The following RAPGEF5 variants were observed in gnomAD, a reference collection of about 807,000 sequenced individuals.
RAPGEF5 encodes the protein M-Ras-regulated GEF.
RAPGEF5 carries 65 observed loss-of-function variants against 125.2 expected under a neutral mutation model. That is an observed-to-expected ratio of 0.52 (90% CI 0.43 to 0.64). The LOEUF (loss-of-function observed/expected upper bound fraction) is 0.64. Ranked by LOEUF, RAPGEF5 falls within the 30% of genes least tolerant of loss-of-function variation. The pLI, the probability that RAPGEF5 is intolerant of heterozygous loss-of-function variation, is 0.00. For missense variants in RAPGEF5, 958 were observed against 1,048.1 expected, an observed-to-expected ratio of 0.91 and a Z score of 1.19; for synonymous variants, 391 against 385.9, an observed-to-expected ratio of 1.01 and a Z score of -0.16.
chr7:22,305,755 T>C (rs951964342), intron 5 of RAPGEF5, among the ~76,000 whole-genome samples: 5 of 152,202 alleles, frequency 3.3e-5, no homozygotes, highest in African/African-American at 1.2e-4. Context: ...ACTGTGTTCA[T>C]GAGTTCAGTT....
intron 22 of RAPGEF5, 22 bp downstream of exon 22, chr7:22,136,911 C>A: frequency 6.5e-7 from 1 of 1,539,174 alleles, no homozygotes; most frequent in South Asian, 1.2e-5. Context: ...AAGAATAAGT[C>A]CCCTTTGGCT....
chr7:22,287,114 C>T (rs1323813514), intron 6 of RAPGEF5, among the ~76,000 whole-genome samples: 1 of 152,176 alleles, frequency 6.6e-6, no homozygotes, highest in Non-Finnish European at 1.5e-5. Context: ...TCCATTACAG[C>T]CATGTCCTTT....
chr7:22,346,504 G>T (rs544502095), intron 1 of RAPGEF5, among the ~76,000 whole-genome samples: 1 of 152,242 alleles, frequency 6.6e-6, no homozygotes, highest in Non-Finnish European at 1.5e-5. Context: ...AGAGCAAGCA[G>T]AAGTGATAAG....
intron 7 of RAPGEF5, among the ~76,000 whole-genome samples, chr7:22,250,621 TCTTA>T (rs1302722656): frequency 5.9e-5 from 9 of 152,100 alleles, no homozygotes; most frequent in African/African-American, 2.2e-4. Context: ...CCTTGATAGC[TCTTA>T]CTTGTCAATA....
intron 11 of RAPGEF5, among the ~76,000 whole-genome samples, chr7:22,175,470 T>G (rs1461736837): frequency 6.6e-6 from 1 of 152,238 alleles, no homozygotes; most frequent in Non-Finnish European, 1.5e-5. Flanking sequence ...GAAAAATTTC[T>G]CAATAATCAA....
intron 1 of RAPGEF5, among the ~76,000 whole-genome samples, chr7:22,346,843 T>C (rs905255585): frequency 6.6e-6 from 1 of 152,034 alleles, no homozygotes; most frequent in Non-Finnish European, 1.5e-5. Context: ...CAGTACAAAA[T>C]GAAAAGGATT....
chr7:22,206,634 G>C (rs1287194366), intron 9 of RAPGEF5, among the ~76,000 whole-genome samples: 1 of 148,496 alleles, frequency 6.7e-6, no homozygotes, highest in Non-Finnish European at 1.5e-5. Flanking sequence ...GCAGTGAGTT[G>C]TGATTTTTCC....
intron 7 of RAPGEF5, among the ~76,000 whole-genome samples, chr7:22,261,791 G>C (rs1782162189): frequency 6.6e-6 from 1 of 151,992 alleles, no homozygotes; most frequent in African/African-American, 2.4e-5. Context: ...TTTGACAAAG[G>C]TGCAAAAGGA....
At chr7:22,186,246 A>G (rs1372531623) in intron 11 of RAPGEF5, among the ~76,000 whole-genome samples, 1 of 152,228 alleles carries the variant, frequency 6.6e-6, no homozygotes, top group Non-Finnish European at 1.5e-5. Flanking sequence ...TGCAGATTCT[A>G]TGGGTTCTAA....
intron 6 of RAPGEF5, among the ~76,000 whole-genome samples, chr7:22,281,490 G>C (rs1782672670): frequency 6.6e-6 from 1 of 152,166 alleles, no homozygotes; most frequent in Non-Finnish European, 1.5e-5. Context: ...GGGATTACAA[G>C]TGTGATCCAC....
intron 7 of RAPGEF5, among the ~76,000 whole-genome samples, chr7:22,254,470 T>C (rs1011259938): frequency 2.7e-5 from 4 of 150,522 alleles, no homozygotes; most frequent in African/African-American, 9.8e-5. Flanking sequence ...TAGCCAGGTG[T>C]GGTGACACAT....
chr7:22,140,037 CG>C lies in RAPGEF5; in HGVS notation c.2264del (p.Ser755CysfsTer21). On this transcript the variant is annotated frameshift_variant, in exon 21 of 26. Transcript: ENST00000665637. LOFTEE classifies it high-confidence loss of function. ...CTCCAAGGCTCACCTCCCAGGTCTG[CG>C]ACAGTCGACTGACAGAAGCAGTGTT... ...GLNTASVSRL[S>X]QTWEKIPGKF... is the part of the protein sequence containing the mutation. 6.4e-7 allele frequency: 1 copy of C among 1,565,508 alleles called. No individual in the cohort carries two copies. Among genetic ancestry groups the C allele is most frequent in the Non-Finnish European group, 8.7e-7 (1 of 1,154,526 alleles).
At chr7:22,159,926 T>A (rs28515809) in intron 14 of RAPGEF5, among the ~76,000 whole-genome samples, 1 of 152,018 alleles carries the variant, frequency 6.6e-6, no homozygotes, top group African/African-American at 2.4e-5. Flanking sequence ...CTGGCCAACA[T>A]AGCTAAATCC....
intron 24 of RAPGEF5, among the ~76,000 whole-genome samples, chr7:22,126,609 T>A (rs1184155629): frequency 6.6e-6 from 1 of 152,192 alleles, no homozygotes; most frequent in Non-Finnish European, 1.5e-5. Flanking sequence ...TCTAAAACAT[T>A]AACATCATTT....
intron 7 of RAPGEF5, among the ~76,000 whole-genome samples, chr7:22,259,602 C>T (rs1782094871): frequency 1.3e-5 from 2 of 152,166 alleles, no homozygotes; most frequent in African/African-American, 4.8e-5. Flanking sequence ...ACCAAGATGT[C>T]TTTCAGTAAG....
intron 12 of RAPGEF5, 128 bp downstream of exon 12, chr7:22,166,942 A>G: frequency 1.4e-6 from 1 of 727,186 alleles, no homozygotes. Context: ...GGATATCATT[A>G]CATTAATATT....
Position 22,140,031 on chromosome 7 carries a change from G to A in RAPGEF5, c.2271C>T (p.Thr757=). 6.4e-7 allele frequency: 1 copy of A among 1,563,664 alleles called. No individual in the cohort carries two copies. Among genetic ancestry groups the A allele is most frequent in the Non-Finnish European group, 8.7e-7 (1 of 1,153,422 alleles). ...ATGGGACTCCAAGGCTCACCTCCCA[G>A]GTCTGCGACAGTCGACTGACAGAAG... is the stretch of plus-strand genomic sequence containing the variant. ...NTASVSRLSQ[T]WEKIPGKFKK... is the part of the protein sequence containing the mutation. Residue 757 remains threonine, a synonymous_variant, in exon 21 of 26, where the codon ACC becomes ACT. Coordinates refer to ENST00000665637, the MANE Select transcript of RAPGEF5 (RefSeq NM_012294.5).
chr7:22,240,517 G>C (rs912081599), intron 7 of RAPGEF5, among the ~76,000 whole-genome samples: 3 of 151,890 alleles, frequency 2.0e-5, no homozygotes, highest in African/African-American at 7.3e-5. Flanking sequence ...GATTACAGGT[G>C]CCCACCACCA....
In RAPGEF5 at chr7:22,153,748, AT is replaced by A. The variant is rs966220715; in HGVS notation, c.1786+706del. On this transcript the variant is annotated intron_variant, in intron 17 of 25. Coordinates refer to ENST00000665637, the MANE Select transcript of RAPGEF5 (RefSeq NM_012294.5). ...ACTGATGCTAAGTCACTTTCTTTGT[AT>A]TTTTTTCTCAGGGTTAAGGAGATAT... Among the ~76,000 whole-genome samples the A allele has an allele frequency of 7.2e-5, 11 of 152,108 alleles. No homozygotes were observed. The East Asian group carries it at 1.9e-3, about 27-fold the overall frequency.
Sources: gnomAD v4.1 joint callset for allele counts (sites outside exome capture counted in the v4.1 genomes callset) on GRCh38, gnomAD v4.1.1 for gene constraint, MANE v1.5 for transcripts, NCBI Gene and HGNC (gene_info 2026-07-23, HGNC 2026-07-21) for gene names.